Variants in ZMYM5 observed in about 807,000 individuals in gnomAD.
ZMYM5 encodes the protein zinc finger MYM-type protein 5.
Under a neutral mutation model 61.8 loss-of-function variants are expected in ZMYM5, and 41 were observed. That is an observed-to-expected ratio of 0.66 (90% confidence interval 0.52 to 0.86). ZMYM5 has a LOEUF of 0.86. Among genes scored for constraint, ZMYM5 ranks in the 40% least tolerant of loss-of-function variants. ZMYM5 has a pLI of 0.00. For missense variants in ZMYM5, 706 were observed against 786.7 expected, an observed-to-expected ratio of 0.90 and a Z score of 1.23; for synonymous variants, 257 against 276.4, an observed-to-expected ratio of 0.93 and a Z score of 0.70.
chr13:19,844,811 C>T (rs1181011396), intron 4 of ZMYM5, among the ~76,000 whole-genome samples: 1 of 152,082 alleles, frequency 6.6e-6, no homozygotes, highest in Non-Finnish European at 1.5e-5. Context: ...TTAGCAGAGA[C>T]GGGGTTTCAT....
rs1890775889 is a variant in ZMYM5, at chr13:19,823,757, T to G, written c.*720A>C. 1 of 152,222 alleles carries G rather than the reference T, an allele frequency of 6.6e-6. No homozygotes were observed. The highest frequency in any genetic ancestry group is 1.5e-5 in the Non-Finnish European group (1 of 68,040). The allele number at this position is 152,222 out of a possible 1,614,324, so 9.4% of individuals were successfully genotyped here. The stretch of plus-strand genomic sequence containing the variant: ...TTTACTTTAATAATAATGTTGAGAA[T>G]GCTTGTTCACATAAGTATCTTATTC... On this transcript the variant is annotated 3_prime_UTR_variant, in exon 8 of 8. Coordinates refer to ENST00000337963, the MANE Select transcript of ZMYM5 (RefSeq NM_001142684.2).
At chr13:19,834,875 CA>C (rs988567141) in intron 7 of ZMYM5, among the ~76,000 whole-genome samples, 2 of 151,786 alleles carry the variant, frequency 1.3e-5, no homozygotes, top group Admixed American at 6.6e-5. Flanking sequence ...TTTTAGTAGA[CA>C]GGGGGTTTTG....
intron 7 of ZMYM5, among the ~76,000 whole-genome samples, chr13:19,833,786 A>C (rs1354915136): frequency 6.6e-6 from 1 of 152,190 alleles, no homozygotes; most frequent in African/African-American, 2.4e-5. Context: ...TACTTTTCAA[A>C]AGTAATATTA....
intron 2 of ZMYM5, among the ~76,000 whole-genome samples, chr13:19,857,152 A>G (rs1466747804): frequency 1.3e-5 from 2 of 152,196 alleles, no homozygotes; most frequent in Non-Finnish European, 2.9e-5. Flanking sequence ...CCCTTACCAT[A>G]AAAAGGTATT....
intron 2 of ZMYM5, among the ~76,000 whole-genome samples, chr13:19,860,289 TTAA>T (rs1953686823): frequency 4.0e-5 from 6 of 149,024 alleles, no homozygotes; most frequent in Admixed American, 4.0e-4. Flanking sequence ...GCACACCCGT[TTAA>T]TTTTTTTTTT....
chr13:19,840,962 C>G (rs1952855338), intron 4 of ZMYM5, among the ~76,000 whole-genome samples: 1 of 150,942 alleles, frequency 6.6e-6, no homozygotes, highest in African/African-American at 2.4e-5. Flanking sequence ...CAGGCCTGAG[C>G]CACCGCGCCC....
chr13:19,827,282 T>C (rs1178961473), intron 7 of ZMYM5, among the ~76,000 whole-genome samples: 1 of 152,154 alleles, frequency 6.6e-6, no homozygotes, highest in East Asian at 1.9e-4. Context: ...CTTCAATACA[T>C]GGGCCCAAAC....
chr13:19,858,054 G>A (rs1217849613), intron 2 of ZMYM5, among the ~76,000 whole-genome samples: 1 of 150,208 alleles, frequency 6.7e-6, no homozygotes. Context: ...TAATTAGCTG[G>A]GCATGGTGGT....
At chr13:19,831,487 T>C (rs1038747432) in intron 7 of ZMYM5, among the ~76,000 whole-genome samples, 5 of 151,838 alleles carry the variant, frequency 3.3e-5, no homozygotes, top group African/African-American at 7.3e-5. Context: ...GGGATCAGAA[T>C]AGCAAGCAAG....
At chr13:19,855,775 G>C (rs1953480432) in intron 2 of ZMYM5, among the ~76,000 whole-genome samples, 1 of 151,426 alleles carries the variant, frequency 6.6e-6, no homozygotes, top group Non-Finnish European at 1.5e-5. Context: ...ACTTTGGGGG[G>C]CCAAGGTGGG....
intron 7 of ZMYM5, among the ~76,000 whole-genome samples, chr13:19,826,001 A>T (rs894835328): frequency 6.7e-6 from 1 of 150,286 alleles, no homozygotes; most frequent in Non-Finnish European, 1.5e-5. Flanking sequence ...AGCTGAGATC[A>T]TGCCATTGTA....
At chr13:19,858,751 C>T (rs1953605881) in intron 2 of ZMYM5, among the ~76,000 whole-genome samples, 1 of 152,048 alleles carries the variant, frequency 6.6e-6, no homozygotes, top group African/African-American at 2.4e-5. Flanking sequence ...GGTTAACTGC[C>T]AACCTGAGAT....
At position 19,851,985 on chromosome 13, in the gene ZMYM5, T is replaced by A. The variant is rs542603357; in HGVS notation, c.196A>T (p.Ile66Leu). The A allele has an allele frequency of 5.6e-6, 9 of 1,614,046 alleles. No individual in the cohort carries two copies. The South Asian group carries it at 7.7e-5, about 14-fold the overall frequency. ...GGAGCAGAAATTGAAGGAGGTTGTA[T>A]AGATTCAATAAACACAACATCATCA... Reference protein sequence around the residue: ...DDDDVVFIESIQPPSISAPAI... With the variant: ...DDDDVVFIESLQPPSISAPAI... Residue 66 changes from isoleucine to leucine, a missense_variant, in exon 3 of 8, where the codon ATA becomes TTA. Physicochemically the swap from Ile to Leu is conservative, Grantham distance 5. Around this residue, in one of 2 missense-constraint regions of ZMYM5, gnomAD observed 480 missense variants for 461.7 expected, o/e 1.04. Coordinates refer to ENST00000337963, the MANE Select transcript of ZMYM5 (RefSeq NM_001142684.2).
intron 4 of ZMYM5, among the ~76,000 whole-genome samples, chr13:19,842,296 T>TA (rs1785153224): frequency 6.6e-6 from 1 of 152,162 alleles, no homozygotes; most frequent in Non-Finnish European, 1.5e-5. Context: ...TTTAAACCCA[T>TA]AAGACCTAAA....
chr13:19,847,803 A>ATTTTTTTTTTTTTTTTTT (rs34176871), intron 4 of ZMYM5, among the ~76,000 whole-genome samples: 3 of 79,888 alleles, frequency 3.8e-5, no homozygotes, highest in Non-Finnish European at 4.5e-5. Context: ...TGCCCGGCTA[A>ATTTTTTTTTTTTTTTTTT]TTTTTTTTTT....
chr13:19,835,791 A>C, intron 6 of ZMYM5, 102 bp from the exon 7 acceptor site: 1 of 830,402 alleles, frequency 1.2e-6, no homozygotes, highest in Non-Finnish European at 1.7e-6. Flanking sequence ...AGAATCCCTA[A>C]TCATATCTCA....
chr13:19,838,619 C>A, intron 5 of ZMYM5, 81 bp downstream of exon 5: 5 of 1,506,524 alleles, frequency 3.3e-6, no homozygotes, highest in African/African-American at 1.4e-5. Flanking sequence ...ATAAATCTAT[C>A]CAGCTCTGCA....
intron 4 of ZMYM5, among the ~76,000 whole-genome samples, chr13:19,849,269 C>T (rs1376760741): frequency 6.6e-6 from 1 of 152,048 alleles, no homozygotes. Context: ...TACAGGTGCA[C>T]ATCATGGCGC....
intron 4 of ZMYM5, among the ~76,000 whole-genome samples, chr13:19,847,006 G>A (rs911583034): frequency 6.6e-6 from 1 of 152,080 alleles, no homozygotes; most frequent in Non-Finnish European, 1.5e-5. Context: ...GGAGTGCAAT[G>A]GCATGATCTC....
Sources: gnomAD v4.1 joint callset for allele counts (sites outside exome capture counted in the v4.1 genomes callset) on GRCh38, gnomAD v4.1.1 for gene constraint, gnomAD v4.1.1 regional missense constraint, MANE v1.5 for transcripts, NCBI Gene and HGNC (gene_info 2026-07-23, HGNC 2026-07-21) for gene names.